GAP43: variants seen among roughly 807,000 people sequenced by gnomAD.
GAP43 encodes neuromodulin.
GAP43 carries 6 observed loss-of-function variants against 18.6 expected under a neutral mutation model. The ratio of observed to expected loss-of-function variants is 0.32; its 90% CI spans 0.18 to 0.64. GAP43 has a LOEUF of 0.64. Among genes scored for constraint, GAP43 ranks in the 30% least tolerant of loss-of-function variants. GAP43 has a pLI of 0.78. For synonymous variants in GAP43, 115 were observed against 111.4 expected, an observed-to-expected ratio of 1.03 and a Z score of -0.20; for missense variants, 292 against 295.5, an observed-to-expected ratio of 0.99 and a Z score of 0.09.
rs148731356 is a variant in GAP43 at position 115,641,543 on chromosome 3, C to CACACACACACACACACAT, written c.30+17824_30+17825insACACACACACACACACAT. 1.9e-4 allele frequency among the ~76,000 whole-genome samples: 29 copies of CACACACACACACACACAT among 150,354 alleles called. No individual in the cohort carries two copies. The South Asian group carries it at 2.6e-3, about 13-fold the overall frequency. ...ACACACACACACACACACACACACA[C>CACACACACACACACACAT]GGTGCTTTCCTGTTTCCCTAGAGAC... On this transcript the variant is annotated intron_variant, in intron 1 of 2. Coordinates refer to ENST00000305124, the MANE Select transcript of GAP43 (RefSeq NM_002045.4).
chr3:115,626,422 T>A (rs1708189064), intron 1 of GAP43, among the ~76,000 whole-genome samples: 1 of 152,036 alleles, frequency 6.6e-6, no homozygotes, highest in Non-Finnish European at 1.5e-5. Context: ...GCATAAATGA[T>A]CTCTATTAGC....
At chr3:115,665,969 T>C (rs902377503) in intron 1 of GAP43, among the ~76,000 whole-genome samples, 3 of 150,302 alleles carry the variant, frequency 2.0e-5, no homozygotes, top group African/African-American at 7.4e-5. Flanking sequence ...AGATACTGTA[T>C]ATGAAATAGT....
chr3:115,633,270 A>G (rs889502286), intron 1 of GAP43, among the ~76,000 whole-genome samples: 3 of 152,020 alleles, frequency 2.0e-5, no homozygotes, highest in Non-Finnish European at 4.4e-5. Flanking sequence ...GAGAATGAGG[A>G]TGAATGAATT....
At chr3:115,639,864 C>T (rs1193258969) in intron 1 of GAP43, among the ~76,000 whole-genome samples, 2 of 151,962 alleles carry the variant, frequency 1.3e-5, no homozygotes, top group Non-Finnish European at 2.9e-5. Context: ...AAAAATATCT[C>T]CAATTAAATC....
intron 2 of GAP43, among the ~76,000 whole-genome samples, chr3:115,708,472 G>A (rs1484072723): frequency 6.6e-6 from 1 of 152,136 alleles, no homozygotes; most frequent in East Asian, 1.9e-4. Flanking sequence ...AGTCCAAGAA[G>A]GGAATTCTTG....
At chr3:115,704,957 T>C (rs17760863) in intron 2 of GAP43, among the ~76,000 whole-genome samples, 7,883 of 152,270 alleles carry the variant, frequency 0.052, 266 homozygotes, top group Middle Eastern at 0.099. Flanking sequence ...ACAGATTTTG[T>C]ATTTTTGTCC....
chr3:115,697,201 T>A, intron 2 of GAP43, among the ~76,000 whole-genome samples: 1 of 1,604 alleles, frequency 6.2e-4, no homozygotes, highest in Non-Finnish European at 4.8e-3. Flanking sequence ...TTTATTTATT[T>A]ATAATAATAA....
chr3:115,698,149 T>TATATATTATATATTATATATATA (rs1709235753), intron 2 of GAP43, among the ~76,000 whole-genome samples: 21 of 13,418 alleles, frequency 1.6e-3, no homozygotes, highest in Middle Eastern at 0.056. Flanking sequence ...TAATATATAT[T>TATATATTATATATTATATATATA]ATATATAATA....
At position 115,676,353 on chromosome 3, in the gene GAP43, C is replaced by T. The variant is rs757482306; in HGVS notation, c.371C>T (p.Ala124Val). ...GGTGATGCTGCCACAGAGCAGGCAG[C>T]CCCCCAGGCTCCTGCATCCTCAGAG... The part of the protein sequence containing the change: ...GEGDAATEQA[A>V]PQAPASSEEK... The change falls in exon 2 of 3, where the codon GCC (alanine) becomes GTC (valine). Residue 124 changes from alanine (A) to valine (V), a missense_variant. Coordinates refer to ENST00000305124, the MANE Select transcript of GAP43 (RefSeq NM_002045.4). 13 of 1,614,000 alleles carry T rather than the reference C, an allele frequency of 8.1e-6. No homozygotes were observed. In the South Asian group the frequency reaches 9.9e-5, roughly 12 times the overall value.
At chr3:115,709,667 C>A (rs777414518) in intron 2 of GAP43, among the ~76,000 whole-genome samples, 2 of 151,982 alleles carry the variant, frequency 1.3e-5, no homozygotes, top group African/African-American at 4.8e-5. Context: ...AATCATAAAG[C>A]ACTTTTTCAT....
rs974677907 is a variant in GAP43, at chr3:115,672,550, A to G, written c.31-3463A>G. ...GAATATTAATAGAATCATTAGAAAT[A>G]CAAAAGAAAGACACACAAACAAAAT... On this transcript the variant is annotated intron_variant, in intron 1 of 2. Transcript: ENST00000305124. 2.8e-4 allele frequency among the ~76,000 whole-genome samples: 42 copies of G among 152,224 alleles called. 1 individual carries two copies. Among genetic ancestry groups the G allele is most frequent in the African/African-American group, 1.0e-3 (42 of 41,464 alleles).
intron 1 of GAP43, among the ~76,000 whole-genome samples, chr3:115,654,091 T>A (rs1708553877): frequency 6.6e-6 from 1 of 152,182 alleles, no homozygotes; most frequent in African/African-American, 2.4e-5. Context: ...AAAATTCAAG[T>A]CAATTGACTC....
chr3:115,647,350 T>A, intron 1 of GAP43, among the ~76,000 whole-genome samples: 1 of 152,086 alleles, frequency 6.6e-6, no homozygotes, highest in South Asian at 2.1e-4. Flanking sequence ...CAGTTTATGT[T>A]TATTTTGTTT....
At chr3:115,625,222 A>AATAG (rs1428371546) in intron 1 of GAP43, among the ~76,000 whole-genome samples, 1 of 150,742 alleles carries the variant, frequency 6.6e-6, no homozygotes, top group African/African-American at 2.4e-5. Context: ...TAAATAAATA[A>AATAG]ATAAATAAGC....
chr3:115,664,879 C>T (rs561331276), intron 1 of GAP43, among the ~76,000 whole-genome samples: 25 of 152,306 alleles, frequency 1.6e-4, no homozygotes, highest in Middle Eastern at 3.4e-3. Context: ...ATGCAATCCG[C>T]TTCCACCCCA....
intron 2 of GAP43, among the ~76,000 whole-genome samples, chr3:115,708,826 C>T (rs1486477924): frequency 2.6e-5 from 4 of 151,704 alleles, no homozygotes; most frequent in African/African-American, 9.7e-5. Context: ...AGAGGGGCAC[C>T]AACAGCATCT....
At chr3:115,647,760 A>AAC (rs1553720746) in intron 1 of GAP43, among the ~76,000 whole-genome samples, 64 of 101,696 alleles carry the variant, frequency 6.3e-4, no homozygotes, top group Middle Eastern at 4.5e-3. Context: ...CAAAAAAACA[A>AAC]AAAAAAAAAA....
chr3:115,627,012 T>A (rs942023808), intron 1 of GAP43, among the ~76,000 whole-genome samples: 1 of 151,878 alleles, frequency 6.6e-6, no homozygotes, highest in Non-Finnish European at 1.5e-5. Context: ...AGCTGAGCCA[T>A]TTTACTTAAT....
At chr3:115,674,321 G>A (rs1708853077) in intron 1 of GAP43, among the ~76,000 whole-genome samples, 1 of 152,172 alleles carries the variant, frequency 6.6e-6, no homozygotes. Context: ...ATCTAAGAAT[G>A]GAGACTATCA....
Sources: gnomAD v4.1 joint callset for allele counts (sites outside exome capture counted in the v4.1 genomes callset) on GRCh38, gnomAD v4.1.1 for gene constraint, MANE v1.5 for transcripts, NCBI Gene and HGNC (gene_info 2026-07-23, HGNC 2026-07-21) for gene names.